The following TMEM132D variants were observed in gnomAD, a reference collection of about 807,000 sequenced individuals.
The protein encoded by TMEM132D is transmembrane protein 132D, also known as mature OL transmembrane protein.
In TMEM132D, 21 loss-of-function variants were observed where a neutral mutation model predicts 62.3. The ratio of observed to expected loss-of-function variants is 0.34; its 90% CI spans 0.24 to 0.49. The LOEUF (loss-of-function observed/expected upper bound fraction) is 0.49, where lower values mean the gene tolerates loss of function less well. Among genes scored for constraint, TMEM132D ranks in the 20% least tolerant of loss-of-function variants. TMEM132D has a pLI of 0.99. For missense variants in TMEM132D, 1,346 were observed against 1,402.8 expected, an observed-to-expected ratio of 0.96 and a Z score of 0.65; for synonymous variants, 621 against 575.6, an observed-to-expected ratio of 1.08 and a Z score of -1.13.
intron 3 of TMEM132D, among the ~76,000 whole-genome samples, chr12:129,357,437 GAA>G (rs534016340): frequency 1.4e-5 from 2 of 143,118 alleles, no homozygotes; most frequent in Non-Finnish European, 1.5e-5. Context: ...CGGAAGGAAA[GAA>G]AAAAAGAAAA....
chr12:129,347,185 T>C (rs1456030618), intron 3 of TMEM132D, among the ~76,000 whole-genome samples: 1 of 152,182 alleles, frequency 6.6e-6, no homozygotes, highest in African/African-American at 2.4e-5. Context: ...ATTGACTTTC[T>C]TCACAGAACT....
intron 5 of TMEM132D, among the ~76,000 whole-genome samples, chr12:129,177,541 T>A (rs1877938878): frequency 6.6e-6 from 1 of 152,160 alleles, no homozygotes; most frequent in African/African-American, 2.4e-5. Context: ...CAGGATCACT[T>A]GAACCTGGGA....
chr12:129,200,513 T>A (rs1051806874), intron 5 of TMEM132D, among the ~76,000 whole-genome samples: 8 of 152,128 alleles, frequency 5.3e-5, no homozygotes, highest in African/African-American at 1.9e-4. Flanking sequence ...CCCTGCAGCT[T>A]CTCCATTCCT....
intron 3 of TMEM132D, among the ~76,000 whole-genome samples, chr12:129,402,545 C>T (rs1053087545): frequency 1.3e-5 from 2 of 152,142 alleles, no homozygotes. Flanking sequence ...TGCCCTAACC[C>T]TTTGGTACAA....
chr12:129,635,345 G>A (rs767363498), intron 2 of TMEM132D, among the ~76,000 whole-genome samples: 23 of 152,174 alleles, frequency 1.5e-4, no homozygotes, highest in Non-Finnish European at 3.1e-4. Context: ...TAAGTCCTCA[G>A]ATTACACAAA....
chr12:129,204,902 C>G (rs1323215986), intron 5 of TMEM132D, among the ~76,000 whole-genome samples: 1 of 152,056 alleles, frequency 6.6e-6, no homozygotes, highest in Non-Finnish European at 1.5e-5. Context: ...AATTTCCAAC[C>G]AAAAATTTCA....
intron 2 of TMEM132D, among the ~76,000 whole-genome samples, chr12:129,652,309 G>A (rs1052137625): frequency 1.3e-5 from 2 of 152,130 alleles, no homozygotes; most frequent in Non-Finnish European, 2.9e-5. Flanking sequence ...TCATTCATTC[G>A]TTCAGCAATT....
intron 3 of TMEM132D, among the ~76,000 whole-genome samples, chr12:129,466,669 C>A (rs1016439611): frequency 2.0e-5 from 3 of 152,152 alleles, no homozygotes; most frequent in African/African-American, 7.2e-5. Flanking sequence ...TCGACAGGCA[C>A]TTCAGGCTCC....
At chr12:129,418,282 T>A (rs551744249) in intron 3 of TMEM132D, among the ~76,000 whole-genome samples, 1 of 152,170 alleles carries the variant, frequency 6.6e-6, no homozygotes, top group Non-Finnish European at 1.5e-5. Context: ...TGCAGCACCA[T>A]TTACAATAGC....
chr12:129,403,733 T>TA (rs1462838816), intron 3 of TMEM132D, among the ~76,000 whole-genome samples: 2 of 152,118 alleles, frequency 1.3e-5, no homozygotes, highest in East Asian at 1.9e-4. Flanking sequence ...AAATTAATTT[T>TA]AAAAAACTAG....
intron 2 of TMEM132D, among the ~76,000 whole-genome samples, chr12:129,541,705 G>A (rs964212523): frequency 4.6e-5 from 7 of 152,128 alleles, no homozygotes; most frequent in African/African-American, 1.7e-4. Flanking sequence ...TCCCATCATG[G>A]GGTCATCAAA....
chr12:129,859,993 C>G (rs942346763), intron 1 of TMEM132D, among the ~76,000 whole-genome samples: 5 of 152,172 alleles, frequency 3.3e-5, no homozygotes, highest in African/African-American at 4.8e-5. Flanking sequence ...TTAGTTCTGT[C>G]CCTCTGGAGA....
At chr12:129,821,791 C>T (rs945161049) in intron 1 of TMEM132D, among the ~76,000 whole-genome samples, 3 of 152,278 alleles carry the variant, frequency 2.0e-5, no homozygotes, top group South Asian at 2.1e-4. Context: ...CAAGAACTTG[C>T]ATTTCTTGCC....
intron 2 of TMEM132D, among the ~76,000 whole-genome samples, chr12:129,546,864 G>A (rs2137102369): frequency 6.6e-6 from 1 of 151,868 alleles, no homozygotes; most frequent in South Asian, 2.1e-4. Context: ...GGAGAATTTT[G>A]GAGACTTCTG....
intron 1 of TMEM132D, among the ~76,000 whole-genome samples, chr12:129,874,592 T>TAAAAAAAAAAA (rs34854402): frequency 7.7e-6 from 1 of 130,298 alleles, no homozygotes; most frequent in African/African-American, 2.9e-5. Context: ...AAAGCTAGGT[T>TAAAAAAAAAAA]AAAAAAAAAA....
At chr12:129,659,444 T>C (rs1565939810) in intron 2 of TMEM132D, among the ~76,000 whole-genome samples, 1 of 152,216 alleles carries the variant, frequency 6.6e-6, no homozygotes, top group Non-Finnish European at 1.5e-5. Flanking sequence ...CTTTCTTATA[T>C]TCAAACTTTT....
At chr12:129,418,974 G>T (rs976060357) in intron 3 of TMEM132D, among the ~76,000 whole-genome samples, 2 of 152,108 alleles carry the variant, frequency 1.3e-5, no homozygotes, top group South Asian at 4.2e-4. Flanking sequence ...CTGCCCCACC[G>T]CAGCCTGAGG....
At chr12:129,841,746 T>C (rs888812711) in intron 1 of TMEM132D, among the ~76,000 whole-genome samples, 4 of 152,188 alleles carry the variant, frequency 2.6e-5, no homozygotes, top group African/African-American at 9.7e-5. Flanking sequence ...TAAATGAGAA[T>C]GTCCTCTCTT....
In TMEM132D at chr12:129,087,893, GTGT is replaced by G. The variant is rs1565959406; in HGVS notation, c.1444-3194_1444-3192del. Among the ~76,000 whole-genome samples, 306 of 95,536 alleles carry G rather than the reference GTGT, an allele frequency of 3.2e-3. 11 individuals are homozygous for G. The highest frequency in any genetic ancestry group is 0.014 in the East Asian group (46 of 3,322). 62.7% of individuals were successfully genotyped at this position (95,536 alleles called of 152,430 possible). On this transcript the variant is annotated intron_variant, in intron 5 of 8. Coordinates refer to ENST00000422113, the MANE Select transcript of TMEM132D (RefSeq NM_133448.3). ...TGACCGGGTGTCCTCCCTGACCGGG[GTGT>G]CCTCCCTGACCGGGGTGTCCTCCCT... is the stretch of plus-strand genomic sequence containing the variant.
Sources: gnomAD v4.1 joint callset for allele counts (sites outside exome capture counted in the v4.1 genomes callset) on GRCh38, gnomAD v4.1.1 for gene constraint, MANE v1.5 for transcripts, NCBI Gene and HGNC (gene_info 2026-07-23, HGNC 2026-07-21) for gene names.